Variants in STAC observed in about 807,000 individuals in gnomAD.
STAC encodes the protein SH3 and cysteine rich domain.
A neutral mutation model predicts 48.8 loss-of-function variants in STAC; 43 were observed. The ratio of observed to expected loss-of-function variants is 0.88; its 90% CI spans 0.69 to 1.14. The LOEUF is 1.14. STAC is among the 50% of genes most tolerant of loss of function. The pLI, the probability that STAC is intolerant of heterozygous loss-of-function variation, is 0.00. For synonymous variants in STAC, 193 were observed against 179.5 expected (o/e 1.07, Z -0.60); for missense variants, 497 against 504.0 (o/e 0.99, Z 0.13).
chr3:36,443,322 T>A lies in STAC; in HGVS notation c.112-42T>A, dbSNP rs1282110159. ...ACCCCCACAGCCTAGGTCTGCTTGA[T>A]CCATTGATCGTAAGAGAGACTGTTC... On this transcript the variant is annotated intron_variant, in intron 1 of 10. Transcript: ENST00000273183. This position sits in a 1 kb window ranked among gnomAD's most constrained non-coding sequence, Gnocchi z 4.2. 2 of 1,610,376 alleles carry A rather than the reference T, an allele frequency of 1.2e-6. No individual in the cohort carries two copies. The highest frequency in any genetic ancestry group is 3.3e-5 in the Admixed American group (2 of 59,916).
chr3:36,398,714 G>C (rs1699940588), intron 1 of STAC, among the ~76,000 whole-genome samples: 1 of 151,662 alleles, frequency 6.6e-6, no homozygotes, highest in Non-Finnish European at 1.5e-5. Context: ...AAGAAAGAGA[G>C]AAAGAAAGAA....
chr3:36,400,889 C>T (rs555568055), intron 1 of STAC, among the ~76,000 whole-genome samples: 21 of 152,248 alleles, frequency 1.4e-4, no homozygotes, highest in African/African-American at 4.8e-4. Flanking sequence ...GAAAGGGCTC[C>T]GATTATAGCC....
chr3:36,482,035 C>T (rs980999314), intron 2 of STAC, among the ~76,000 whole-genome samples: 8 of 152,220 alleles, frequency 5.3e-5, no homozygotes, highest in African/African-American at 1.9e-4. Context: ...TTTTCTAATA[C>T]ATGAGATGCT....
chr3:36,533,093 C>G (rs993589704), intron 10 of STAC, among the ~76,000 whole-genome samples: 1 of 152,186 alleles, frequency 6.6e-6, no homozygotes, highest in African/African-American at 2.4e-5. Context: ...GCCATGTGCC[C>G]TTAACAATGT....
At chr3:36,480,772 T>G (rs1697624853) in intron 2 of STAC, among the ~76,000 whole-genome samples, 1 of 152,166 alleles carries the variant, frequency 6.6e-6, no homozygotes, top group African/African-American at 2.4e-5. Flanking sequence ...TTAATCAACT[T>G]CCACGAATTA....
chr3:36,515,343 C>A (rs1326553608), intron 8 of STAC, among the ~76,000 whole-genome samples: 1 of 152,040 alleles, frequency 6.6e-6, no homozygotes, highest in East Asian at 1.9e-4. Flanking sequence ...TGAGACAGGT[C>A]TCAGTCAATT....
chr3:36,443,743 A>G lies in STAC; in HGVS notation c.388+103A>G, dbSNP rs1696426783. On this transcript the variant is annotated intron_variant, in intron 2 of 10. Coordinates refer to ENST00000273183, the MANE Select transcript of STAC (RefSeq NM_003149.3). This position sits in a 1 kb window ranked among gnomAD's most constrained non-coding sequence, Gnocchi z 4.2. ...TACCTACGGACAGATGCTAGGCCTC[A>G]GAGATTTACATGTGGGAAGATCATT... 2 of 1,416,418 alleles carry G rather than the reference A, an allele frequency of 1.4e-6. No individual in the cohort carries two copies. The highest frequency in any genetic ancestry group is 1.3e-5 in the South Asian group (1 of 77,614). The allele number at this position is 1,416,418 out of a possible 1,614,324, so 87.7% of individuals were successfully genotyped here.
At chr3:36,455,275 G>A (rs181172149) in intron 2 of STAC, among the ~76,000 whole-genome samples, 76 of 152,304 alleles carry the variant, frequency 5.0e-4, no homozygotes, top group African/African-American at 1.8e-3. Flanking sequence ...CAGGTCAGAA[G>A]GACAGGAGGA....
At chr3:36,456,397 G>GA (rs1229739595) in intron 2 of STAC, among the ~76,000 whole-genome samples, 3 of 152,022 alleles carry the variant, frequency 2.0e-5, no homozygotes, top group African/African-American at 4.8e-5. Context: ...TTAAAAAATA[G>GA]AAAAAAGACA....
At chr3:36,449,138 G>T (rs1696610572) in intron 2 of STAC, among the ~76,000 whole-genome samples, 1 of 151,946 alleles carries the variant, frequency 6.6e-6, no homozygotes, top group Admixed American at 6.6e-5. Flanking sequence ...AATTAAGAAA[G>T]AAGATGTAGG....
In STAC at chr3:36,443,232, C is replaced by T. The variant is rs957644819; in HGVS notation, c.112-132C>T. ...TGCCATCACCCCACCCACACAGGGA[C>T]ATTTATGAGCCTCCTCAAGACGGAG... On this transcript the variant is annotated intron_variant, in intron 1 of 10. Transcript: ENST00000273183. This position sits in a 1 kb window ranked among gnomAD's most constrained non-coding sequence, Gnocchi z 4.2. The T allele has an allele frequency of 6.5e-6, 7 of 1,068,842 alleles. No individual in the cohort carries two copies. The highest frequency in any genetic ancestry group is 8.0e-6 in the Non-Finnish European group (6 of 748,614). 66.2% of individuals were successfully genotyped at this position (1,068,842 alleles called of 1,614,324 possible). A position where few individuals can be genotyped will look rare whatever the true frequency, so the allele number is the denominator to read the frequency against.
At chr3:36,492,097 C>T (rs2125706120) in intron 5 of STAC, among the ~76,000 whole-genome samples, 1 of 117,130 alleles carries the variant, frequency 8.5e-6, no homozygotes, top group Non-Finnish European at 1.7e-5. Flanking sequence ...CCCTAAATTC[C>T]TCTTGTGAAG....
chr3:36,449,211 T>C (rs1366416149), intron 2 of STAC, among the ~76,000 whole-genome samples: 2 of 152,086 alleles, frequency 1.3e-5, no homozygotes, highest in African/African-American at 4.8e-5. Flanking sequence ...CCTACCCCCT[T>C]TGGATATTCA....
rs34449500 is a variant in STAC at position 36,443,540 on chromosome 3, C to T, written c.288C>T (p.Pro96=). The T allele has an allele frequency of 1.6e-3, 2,571 of 1,614,206 alleles. 33 individuals carry two copies. The African/African-American group carries it at 0.028, about 18-fold the overall frequency. Residue 96 remains proline, a synonymous_variant, in exon 2 of 11, where the codon CCC becomes CCT. Transcript: ENST00000273183. The surrounding 1 kb of genome is among the most constrained non-coding windows in gnomAD (Gnocchi z 4.2). ...CTCCAGGAAGCCTGACGTCCACACC[C>T]GCCAGGGCTGGTCTGCATCCAGGTG... ...LPAPGSLTST[P]ARAGLHPGGK...
rs140841618 is a variant in STAC at position 36,478,531 on chromosome 3, G to A, written c.389-4461G>A. Among the ~76,000 whole-genome samples the A allele has an allele frequency of 2.1e-3, 322 of 152,056 alleles. 2 individuals carry two copies. The highest frequency in any genetic ancestry group is 7.1e-3 in the African/African-American group (295 of 41,462). ...TTTTATTGAGACGGAATCTCACTCC[G>A]TCACTGAGGCAGGAGTGCAGTGGCA... is the stretch of plus-strand genomic sequence containing the variant. On this transcript the variant is annotated intron_variant, in intron 2 of 10. Coordinates refer to ENST00000273183, the MANE Select transcript of STAC (RefSeq NM_003149.3).
At chr3:36,430,758 C>A (rs1477410620) in intron 1 of STAC, among the ~76,000 whole-genome samples, 1 of 152,170 alleles carries the variant, frequency 6.6e-6, no homozygotes, top group African/African-American at 2.4e-5. Flanking sequence ...GTATTGGTTT[C>A]TTCTGGGGCC....
rs145836764 is a variant in STAC, at chr3:36,399,806, T to C, written c.111+19052T>C. Among the ~76,000 whole-genome samples the C allele has an allele frequency of 4.7e-4, 72 of 152,326 alleles. No individual in the cohort carries two copies. In the East Asian group the frequency reaches 0.013, roughly 28 times the overall value. ...TTTAAAATGGTCTCCCAACTGACACTGAAGTCATAGATAAATCAAAGCCCA... is the reference window on the plus strand; with the variant it reads ...TTTAAAATGGTCTCCCAACTGACACCGAAGTCATAGATAAATCAAAGCCCA... On this transcript the variant is annotated intron_variant, in intron 1 of 10. Transcript: ENST00000273183.
chr3:36,510,048 TG>T (rs1395935004), intron 8 of STAC, among the ~76,000 whole-genome samples: 1 of 152,224 alleles, frequency 6.6e-6, no homozygotes, highest in East Asian at 1.9e-4. Flanking sequence ...AGAAAATTTT[TG>T]CAATCTATCC....
At chr3:36,483,137 G>T (rs1389779800) in intron 3 of STAC, 45 bp downstream of exon 3, 1 of 1,438,674 alleles carries the variant, frequency 7.0e-7, no homozygotes, top group Non-Finnish European at 9.8e-7. Context: ...CTCTGCTAGG[G>T]CACTTGCCTG....
Sources: allele counts gnomAD v4.1 joint callset (sites outside exome capture counted in the v4.1 genomes callset), GRCh38; gene constraint gnomAD v4.1.1; non-coding constraint Gnocchi (gnomAD v3.1); transcripts MANE v1.5; gene names NCBI Gene and HGNC (gene_info 2026-07-23, HGNC 2026-07-21).